The following ABTB3 variants were observed in gnomAD, a reference collection of about 807,000 sequenced individuals.
ABTB3 encodes the protein ankyrin repeat- and BTB/POZ domain-containing protein 3.
the ABTB3 span, among the ~76,000 whole-genome samples, chr12:107,639,344 G>A: frequency 6.6e-6 from 1 of 152,188 alleles, no homozygotes; most frequent in Non-Finnish European, 1.5e-5. Context: ...TTATAGCAGA[G>A]GAGGGGAGTG....
At chr12:107,547,447 G>T in the ABTB3 span, among the ~76,000 whole-genome samples, 1 of 152,290 alleles carries the variant, frequency 6.6e-6, no homozygotes, top group East Asian at 1.9e-4. Context: ...TCTGGACTCA[G>T]AGTGTAGTTG....
the ABTB3 span, among the ~76,000 whole-genome samples, chr12:107,560,045 A>G: frequency 2.2e-4 from 34 of 152,068 alleles, no homozygotes; most frequent in Non-Finnish European, 1.0e-4. Context: ...CACTGTGTAT[A>G]TATAATTTTG....
chr12:107,345,020 A>C, the ABTB3 span, among the ~76,000 whole-genome samples: 2 of 152,126 alleles, frequency 1.3e-5, no homozygotes, highest in Admixed American at 6.6e-5. Context: ...GAAGATAACC[A>C]TTTTCCAGCC....
the ABTB3 span, among the ~76,000 whole-genome samples, chr12:107,470,010 T>TTCTC: frequency 3.2e-3 from 184 of 57,114 alleles, 9 homozygotes; most frequent in East Asian, 4.0e-3. Flanking sequence ...CTTTCTTTCT[T>TTCTC]TCTCTCTCTC....
chr12:107,407,301 A>C, the ABTB3 span, among the ~76,000 whole-genome samples: 1 of 152,206 alleles, frequency 6.6e-6, no homozygotes, highest in Non-Finnish European at 1.5e-5. Flanking sequence ...TTTTTGCTGC[A>C]CGACAAATCA....
chr12:107,515,448 C>T, the ABTB3 span, among the ~76,000 whole-genome samples: 1 of 152,186 alleles, frequency 6.6e-6, no homozygotes, highest in Non-Finnish European at 1.5e-5. Flanking sequence ...TCTCCTTACC[C>T]TGAAAATTGG....
chr12:107,568,778 A>G, the ABTB3 span, among the ~76,000 whole-genome samples: 2 of 152,156 alleles, frequency 1.3e-5, no homozygotes, highest in Non-Finnish European at 2.9e-5. Context: ...ATTTTAAGCT[A>G]GAAGAGAAGT....
At chr12:107,414,899 A>AC in the ABTB3 span, among the ~76,000 whole-genome samples, 1 of 151,688 alleles carries the variant, frequency 6.6e-6, no homozygotes, top group Non-Finnish European at 1.5e-5. Flanking sequence ...TTTTTAGTAG[A>AC]CACAGGATTT....
the ABTB3 span, among the ~76,000 whole-genome samples, chr12:107,395,569 G>A: frequency 8.3e-4 from 127 of 152,282 alleles, 1 homozygote; most frequent in Non-Finnish European, 1.5e-3. Context: ...TGTTCCAACC[G>A]TGTCCAAGCA....
the ABTB3 span, among the ~76,000 whole-genome samples, chr12:107,342,190 C>T: frequency 1.8e-4 from 27 of 151,940 alleles, no homozygotes; most frequent in Non-Finnish European, 2.9e-4. Context: ...CCTGAGTTTC[C>T]GTTGGGTCCA....
the ABTB3 span, among the ~76,000 whole-genome samples, chr12:107,427,149 C>T: frequency 6.6e-6 from 1 of 152,202 alleles, no homozygotes; most frequent in Non-Finnish European, 1.5e-5. Flanking sequence ...TTGGAGGCTC[C>T]AGGGGAAACC....
At chr12:107,499,634 C>T in the ABTB3 span, among the ~76,000 whole-genome samples, 1 of 151,780 alleles carries the variant, frequency 6.6e-6, no homozygotes, top group Admixed American at 6.6e-5. Context: ...AAGGTGAAGG[C>T]CTTCTTCATA....
chr12:107,458,178 G>A, the ABTB3 span, among the ~76,000 whole-genome samples: 1 of 152,166 alleles, frequency 6.6e-6, no homozygotes, highest in Non-Finnish European at 1.5e-5. Flanking sequence ...AGTGCAAAGG[G>A]AAATAGTGTG....
At chr12:107,433,233 T>G in the ABTB3 span, among the ~76,000 whole-genome samples, 1 of 127,722 alleles carries the variant, frequency 7.8e-6, no homozygotes, top group Non-Finnish European at 1.5e-5. Context: ...GAGCTTGCAG[T>G]GAGCCGAGAT....
the ABTB3 span, among the ~76,000 whole-genome samples, chr12:107,600,202 GC>G: frequency 2.6e-5 from 4 of 152,208 alleles, no homozygotes; most frequent in African/African-American, 9.7e-5. Flanking sequence ...GAGTCAGGAT[GC>G]CTGGGTTGAG....
At chr12:107,489,204 A>G in the ABTB3 span, among the ~76,000 whole-genome samples, 1 of 152,182 alleles carries the variant, frequency 6.6e-6, no homozygotes, top group Non-Finnish European at 1.5e-5. Context: ...CGAATATAGC[A>G]ATATATGTCA....
chr12:107,409,822 C>T, the ABTB3 span, among the ~76,000 whole-genome samples: 2 of 152,122 alleles, frequency 1.3e-5, no homozygotes, highest in African/African-American at 2.4e-5. Flanking sequence ...ATGTAACAAA[C>T]CTGCACGTTC....
At chr12:107,541,933 A>AT in the ABTB3 span, among the ~76,000 whole-genome samples, 1 of 152,000 alleles carries the variant, frequency 6.6e-6, no homozygotes, top group Admixed American at 6.6e-5. Context: ...AAGAAAAAAA[A>AT]AAAACCTTCT....
chr12:107,384,260 G>C, the ABTB3 span, among the ~76,000 whole-genome samples: 1 of 152,140 alleles, frequency 6.6e-6, no homozygotes, highest in African/African-American at 2.4e-5. Flanking sequence ...ACCTGCTTAG[G>C]GCCATGTAGC....
Sources: gnomAD v4.1 joint callset for allele counts (sites outside exome capture counted in the v4.1 genomes callset) on GRCh38, gnomAD v4.1.1 for gene constraint, MANE v1.5 for transcripts, NCBI Gene and HGNC (gene_info 2026-07-23, HGNC 2026-07-21) for gene names.